The following SPEN variants were observed in gnomAD, a reference collection of about 807,000 sequenced individuals.
The protein encoded by SPEN is msx2-interacting protein.
In SPEN, 18 loss-of-function variants were observed where a neutral mutation model predicts 269.9. That is an observed-to-expected ratio of 0.07 (90% confidence interval 0.05 to 0.10). The LOEUF is 0.10. Among genes scored for constraint, SPEN ranks in the 10% least tolerant of loss-of-function variants. The probability of loss-of-function intolerance (pLI) is 1.00; values close to 1 mark genes in which losing one functional copy is unlikely to be tolerated. For synonymous variants in SPEN, 1,726 were observed against 1,765.7 expected (o/e 0.98, Z 0.56); for missense variants, 3,822 against 4,631.2 (o/e 0.83, Z 5.07).
chr1:15,859,842 G>A (rs554452963), intron 1 of SPEN, among the ~76,000 whole-genome samples: 1 of 144,482 alleles, frequency 6.9e-6, no homozygotes, highest in Non-Finnish European at 1.5e-5. Context: ...TAATTCAGAA[G>A]ATTAAAATGT....
At chr1:15,936,641 T>TAAAAAAA (rs1570073342) in intron 11 of SPEN, among the ~76,000 whole-genome samples, 4 of 69,118 alleles carry the variant, frequency 5.8e-5, no homozygotes, top group Non-Finnish European at 6.7e-5. Context: ...AGACCCAGTC[T>TAAAAAAA]CAAAAAAAAA....
chr1:15,866,251 T>C (rs997065722), intron 1 of SPEN, among the ~76,000 whole-genome samples: 1 of 152,180 alleles, frequency 6.6e-6, no homozygotes, highest in African/African-American at 2.4e-5. Flanking sequence ...TTGCTGGCTT[T>C]AGGGATTCTC....
intron 3 of SPEN, among the ~76,000 whole-genome samples, chr1:15,885,396 C>G (rs568147026): frequency 2.0e-5 from 3 of 152,278 alleles, no homozygotes; most frequent in Admixed American, 2.0e-4. Flanking sequence ...TGCTTTGGAC[C>G]TTTCCAACTG....
At chr1:15,896,720 A>G (rs2070845238) in intron 3 of SPEN, among the ~76,000 whole-genome samples, 1 of 152,192 alleles carries the variant, frequency 6.6e-6, no homozygotes, top group Non-Finnish European at 1.5e-5. Flanking sequence ...AAGTGTTATT[A>G]GTTGTTTATA....
chr1:15,880,549 G>A (rs1331567928), intron 3 of SPEN, among the ~76,000 whole-genome samples: 5 of 147,826 alleles, frequency 3.4e-5, no homozygotes, highest in African/African-American at 7.6e-5. Context: ...TCTGCCTCTC[G>A]GGTTCAAGCG....
Position 15,937,444 on chromosome 1 carries a change from T to C in SPEN, c.10308T>C (p.Ser3436=), listed in dbSNP as rs765886185. 6.2e-7 allele frequency: 1 copy of C among 1,613,852 alleles called. No individual in the cohort carries two copies. The highest frequency in any genetic ancestry group is 8.5e-7 in the Non-Finnish European group (1 of 1,180,020). Residue 3436 remains serine, a synonymous_variant, in exon 12 of 15, where the codon TCT becomes TCC. Coordinates refer to ENST00000375759, the MANE Select transcript of SPEN (RefSeq NM_015001.3). This position sits in a 1 kb window ranked among gnomAD's most constrained non-coding sequence, Gnocchi z 5.7. ...CGACTTCCTTCCCCTCCCCTGTGTC[T>C]GTCTCCATGAAGCCTGACCTTCCAG... is the stretch of plus-strand genomic sequence containing the variant. ...TGPTSFPSPV[S]VSMKPDLPVS...
chr1:15,892,246 G>A (rs1019043145), intron 3 of SPEN, among the ~76,000 whole-genome samples: 4 of 151,830 alleles, frequency 2.6e-5, no homozygotes, highest in Admixed American at 2.6e-4. Context: ...GGGTGGTCTC[G>A]ATCTCCTGAC....
chr1:15,934,509 A>G lies in SPEN; in HGVS notation c.8269A>G (p.Thr2757Ala), dbSNP rs753974362. The G allele has an allele frequency of 7.4e-6, 12 of 1,614,020 alleles. No homozygotes were observed. The African/African-American group carries it at 1.3e-4, about 18-fold the overall frequency. ...TGCATCTGGTGGTGTAACGGCCACA[A>G]CAGGCACGGTGACAATGGCAGGGGC... ...TAASGGVTAT[T>A]GTVTMAGAVI... Residue 2757 changes from threonine to alanine, a missense_variant, in exon 11 of 15, where the codon ACA (threonine) becomes GCA (alanine). Thr to Ala is a moderately conservative substitution (Grantham distance 58). Around this residue, in one of 16 missense-constraint regions of SPEN, gnomAD observed 329 missense variants for 431.2 expected, o/e 0.76. Coordinates refer to ENST00000375759, the MANE Select transcript of SPEN (RefSeq NM_015001.3). The surrounding 1 kb of genome is among the most constrained non-coding windows in gnomAD (Gnocchi z 9.2).
chr1:15,893,718 C>G (rs2070811244), intron 3 of SPEN, among the ~76,000 whole-genome samples: 1 of 151,358 alleles, frequency 6.6e-6, no homozygotes, highest in Non-Finnish European at 1.5e-5. Context: ...GGCAACAGAG[C>G]GAGACCCTGT....
rs766985659 is a variant in SPEN at position 15,928,890 on chromosome 1, A to G, written c.2650A>G (p.Lys884Glu). 1.2e-6 allele frequency: 2 copies of G among 1,614,202 alleles called. No homozygotes were observed. Among genetic ancestry groups the G allele is most frequent in the South Asian group, 2.2e-5 (2 of 91,080 alleles). ...LMPCVVLTRV[K>E]EKEGKVIDHT... The stretch of plus-strand genomic sequence containing the variant: ...GCCTTGCGTGGTTTTGACTCGAGTG[A>G]AAGAGAAAGAGGGAAAGGTCATTGA... Residue 884 changes from lysine (K) to glutamate (E), a missense_variant, in exon 11 of 15, where the codon AAA (lysine) becomes GAA (glutamate). By Grantham distance (56) the Lys-to-Glu change is moderately conservative (BLOSUM62 1). Around this residue, in one of 16 missense-constraint regions of SPEN, gnomAD observed 572 missense variants for 582.6 expected, o/e 0.98. Transcript: ENST00000375759. This position sits in a 1 kb window ranked among gnomAD's most constrained non-coding sequence, Gnocchi z 5.7.
In SPEN at chr1:15,937,077, C is replaced by T. The variant is rs1171077531; in HGVS notation, c.10027-86C>T. On this transcript the variant is annotated intron_variant, in intron 11 of 14. Coordinates refer to ENST00000375759, the MANE Select transcript of SPEN (RefSeq NM_015001.3). The surrounding 1 kb of genome is among the most constrained non-coding windows in gnomAD (Gnocchi z 5.7). ...GGAGATGCCACATCTTATCCTTTCC[C>T]TGTGGCCCTTTGGGTCATTTGTTGG... is the stretch of plus-strand genomic sequence containing the variant. 2.6e-6 allele frequency: 4 copies of T among 1,521,832 alleles called. No individual in the cohort carries two copies. In the African/African-American group the frequency reaches 4.1e-5, roughly 16 times the overall value. 94.3% of individuals were successfully genotyped at this position (1,521,832 alleles called of 1,614,324 possible). A position where few individuals can be genotyped will look rare whatever the true frequency, so the allele number is the denominator to read the frequency against.
At chr1:15,884,736 T>C (rs1349618784) in intron 3 of SPEN, among the ~76,000 whole-genome samples, 1 of 44,030 alleles carries the variant, frequency 2.3e-5, no homozygotes, top group Non-Finnish European at 4.4e-5. Context: ...TTTCTTTTTC[T>C]TTCTTTTTTT....
chr1:15,847,952 G>A lies in SPEN; in HGVS notation c.-116G>A. On this transcript the variant is annotated 5_prime_UTR_variant, in exon 1 of 15. Coordinates refer to ENST00000375759, the MANE Select transcript of SPEN (RefSeq NM_015001.3). ...CGGAGGAGCCGCCGCCGCTGCCGACGCCACCGCCGCAGCCGCCGCCGCCGC... is the reference window on the plus strand; with the variant it reads ...CGGAGGAGCCGCCGCCGCTGCCGACACCACCGCCGCAGCCGCCGCCGCCGC... 1 of 482,896 alleles carries A rather than the reference G, an allele frequency of 2.1e-6. No homozygotes were observed. 29.9% of individuals were successfully genotyped at this position (482,896 alleles called of 1,614,324 possible). A position where few individuals can be genotyped will look rare whatever the true frequency, so the allele number is the denominator to read the frequency against.
intron 3 of SPEN, among the ~76,000 whole-genome samples, chr1:15,907,352 C>T (rs746574561): frequency 5.9e-5 from 9 of 151,870 alleles, no homozygotes; most frequent in Non-Finnish European, 1.0e-4. Context: ...CATGGTGGTG[C>T]GTGCCTGTAA....
intron 3 of SPEN, among the ~76,000 whole-genome samples, chr1:15,885,988 A>G (rs1447049407): frequency 6.6e-6 from 1 of 152,220 alleles, no homozygotes; most frequent in African/African-American, 2.4e-5. Flanking sequence ...TTTGTGCTAA[A>G]TATGGAAATG....
chr1:15,931,948 A>C lies in SPEN; in HGVS notation c.5708A>C (p.Asn1903Thr). 6.2e-7 allele frequency: 1 copy of C among 1,614,214 alleles called. No individual in the cohort carries two copies. The highest frequency in any genetic ancestry group is 8.5e-7 in the Non-Finnish European group (1 of 1,180,028). The change falls in exon 11 of 15, where the codon AAT becomes ACT. Residue 1903 changes from asparagine to threonine, a missense_variant. By Grantham distance (65) the Asn-to-Thr change is moderately conservative. Coordinates refer to ENST00000375759, the MANE Select transcript of SPEN (RefSeq NM_015001.3). The surrounding 1 kb of genome is among the most constrained non-coding windows in gnomAD (Gnocchi z 4.8). ...SLPLSRTRRR[N>T]VRSVYATMGD... is the part of the protein sequence containing the mutation. ...CCTCTCAGCCGAACAAGGCGCCGGA[A>C]TGTAAGGAGCGTCTATGCAACCATG...
chr1:15,922,600 T>C (rs1026967413), intron 10 of SPEN, among the ~76,000 whole-genome samples: 17 of 152,244 alleles, frequency 1.1e-4, no homozygotes, highest in Middle Eastern at 3.4e-3. Flanking sequence ...TTGAAAGAGT[T>C]ACTGTTTTGC....
Position 15,933,786 on chromosome 1 carries a change from C to G in SPEN, c.7546C>G (p.Pro2516Ala). 2.5e-6 allele frequency: 4 copies of G among 1,613,676 alleles called. No homozygotes were observed. The South Asian group carries it at 4.4e-5, about 18-fold the overall frequency. ...EEPRAQSTPS[P>A]ALPPDTKASD... ...GCCACGGGCTCAGTCTACTCCATCT[C>G]CAGCTCTTCCCCCAGACACAAAGGC... Residue 2516 changes from proline (P) to alanine (A), a missense_variant, in exon 11 of 15, where the codon CCA (proline) becomes GCA (alanine). Transcript: ENST00000375759. The surrounding 1 kb of genome is among the most constrained non-coding windows in gnomAD (Gnocchi z 5.7).
At chr1:15,892,266 C>A (rs971916390) in intron 3 of SPEN, among the ~76,000 whole-genome samples, 1 of 151,686 alleles carries the variant, frequency 6.6e-6, no homozygotes, top group Non-Finnish European at 1.5e-5. Flanking sequence ...CCTCGTGATC[C>A]GCCCACCTCT....
Sources: allele counts gnomAD v4.1 joint callset (sites outside exome capture counted in the v4.1 genomes callset), GRCh38; gene constraint gnomAD v4.1.1; regional missense constraint gnomAD v4.1.1; non-coding constraint Gnocchi (gnomAD v3.1); transcripts MANE v1.5; gene names NCBI Gene and HGNC (gene_info 2026-07-23, HGNC 2026-07-21).